Variants in TSNARE1 observed in about 807,000 individuals in gnomAD.
TSNARE1 encodes the protein t-SNARE domain containing 1.
Under a neutral mutation model 62.0 loss-of-function variants are expected in TSNARE1, and 49 were observed. The ratio of observed to expected loss-of-function variants is 0.79; its 90% confidence interval spans 0.63 to 1.00. The LOEUF is 1.00. Among genes scored for constraint, TSNARE1 ranks in the 50% least tolerant of loss-of-function variants. The pLI, the probability that TSNARE1 is intolerant of heterozygous loss-of-function variation, is 0.00. For synonymous variants in TSNARE1, 328 were observed against 294.4 expected (o/e 1.11, Z -1.17); for missense variants, 755 against 700.1 (o/e 1.08, Z -0.88).
intron 4 of TSNARE1, among the ~76,000 whole-genome samples, chr8:142,342,748 AACTGTCCCAGCACCTGT>A (rs1832752327): frequency 6.7e-6 from 1 of 148,912 alleles, no homozygotes; most frequent in South Asian, 2.1e-4. Flanking sequence ...CTGTCCAGGC[AACTGTCCCAGCACCTGT>A]CTGGGCCCAC....
At chr8:142,359,137 C>G (rs35860688) in intron 1 of TSNARE1, among the ~76,000 whole-genome samples, 42,430 of 152,006 alleles carry the variant, frequency 0.28, 7,728 homozygotes, top group African/African-American at 0.51. Context: ...TCCTCCACCC[C>G]GCAACCAGCT....
intron 11 of TSNARE1, among the ~76,000 whole-genome samples, chr8:142,282,611 A>G (rs75711119): frequency 0.037 from 2,786 of 74,444 alleles, no homozygotes; most frequent in African/African-American, 0.082. Flanking sequence ...AGCAGAGGGG[A>G]GGCCACTGTC....
chr8:142,369,431 A>G (rs964771364), intron 1 of TSNARE1, among the ~76,000 whole-genome samples: 2 of 152,212 alleles, frequency 1.3e-5, no homozygotes, highest in Non-Finnish European at 2.9e-5. Flanking sequence ...AGTCAAAATC[A>G]ATCAAATCAA....
At chr8:142,330,846 GC>G in intron 6 of TSNARE1, 54 bp downstream of exon 6, 6 of 1,578,136 alleles carry the variant, frequency 3.8e-6, no homozygotes, top group Non-Finnish European at 4.4e-6. Flanking sequence ...TCCCGCCCCT[GC>G]CCCCCAATGT....
At chr8:142,301,216 C>T (rs564507427) in intron 9 of TSNARE1, among the ~76,000 whole-genome samples, 1 of 125,224 alleles carries the variant, frequency 8.0e-6, no homozygotes, top group Admixed American at 8.0e-5. Context: ...GGAGCCCGGC[C>T]ACAGTGCCCC....
intron 4 of TSNARE1, among the ~76,000 whole-genome samples, chr8:142,333,070 G>A (rs1013669698): frequency 1.2e-4 from 18 of 152,210 alleles, no homozygotes; most frequent in African/African-American, 2.2e-4. Context: ...GGCAATCCCC[G>A]GGGCCTCTGG....
chr8:142,240,062 C>G (rs1031042160), intron 12 of TSNARE1, among the ~76,000 whole-genome samples: 1 of 152,108 alleles, frequency 6.6e-6, no homozygotes, highest in African/African-American at 2.4e-5. Flanking sequence ...GGGATTGACA[C>G]ATGGGATTTT....
In TSNARE1 at chr8:142,368,121, T is replaced by C. The variant is rs1044770606; in HGVS notation, c.-39-13358A>G. Reference sequence around the variant, plus strand: ...AAGCAAGTGAACAAACAAAAAAAACTTCTGCATGGTTAAAAAAAAAAAGTA... The same window carrying C: ...AAGCAAGTGAACAAACAAAAAAAACCTCTGCATGGTTAAAAAAAAAAAGTA... On this transcript the variant is annotated intron_variant, in intron 1 of 13. Coordinates refer to ENST00000524325, the MANE Select transcript of TSNARE1 (RefSeq NM_145003.5). Among the ~76,000 whole-genome samples the C allele has an allele frequency of 4.6e-5, 7 of 150,894 alleles. No homozygotes were observed. In the East Asian group the frequency reaches 1.4e-3, roughly 29 times the overall value.
intron 12 of TSNARE1, chr8:142,271,577 G>A (rs774955351): frequency 2.8e-6 from 4 of 1,414,642 alleles, no homozygotes; most frequent in Non-Finnish European, 3.7e-6. Flanking sequence ...GGGTGAGGAG[G>A]TGGGTGCGTG....
intron 4 of TSNARE1, among the ~76,000 whole-genome samples, chr8:142,336,393 A>G (rs905958927): frequency 6.6e-6 from 1 of 152,070 alleles, no homozygotes; most frequent in African/African-American, 2.4e-5. Context: ...AGAAAAATAT[A>G]TCATGTAAAC....
At chr8:142,377,005 T>A (rs1046264914) in intron 1 of TSNARE1, among the ~76,000 whole-genome samples, 9 of 152,142 alleles carry the variant, frequency 5.9e-5, no homozygotes, top group Non-Finnish European at 1.3e-4. Context: ...GCCCCACACC[T>A]CAGGCCTGCC....
intron 1 of TSNARE1, among the ~76,000 whole-genome samples, chr8:142,381,067 AG>A (rs1160308833): frequency 6.6e-6 from 1 of 152,238 alleles, no homozygotes; most frequent in African/African-American, 2.4e-5. Context: ...ACAGCTTCCC[AG>A]GCCTCAGCAG....
intron 12 of TSNARE1, among the ~76,000 whole-genome samples, chr8:142,256,968 G>A (rs1270508258): frequency 6.6e-6 from 1 of 152,162 alleles, no homozygotes; most frequent in Non-Finnish European, 1.5e-5. Context: ...GGGAAAACAG[G>A]CTCATTTGCA....
chr8:142,279,741 C>G (rs549465741), intron 11 of TSNARE1: 1 of 384,982 alleles, frequency 2.6e-6, no homozygotes, highest in East Asian at 1.6e-4. Context: ...GCCTCTGGGT[C>G]TCCCTCGGAG....
At chr8:142,277,304 C>T in intron 11 of TSNARE1, 30 of 985,400 alleles carry the variant, frequency 3.0e-5, no homozygotes, top group Non-Finnish European at 3.6e-5. Flanking sequence ...TTTGGGACCG[C>T]CCTCCCCAGA....
chr8:142,273,136 G>A lies in TSNARE1; in HGVS notation c.1446+1645C>T, dbSNP rs567006655. 53 of 985,386 alleles carry A rather than the reference G, an allele frequency of 5.4e-5. No individual in the cohort carries two copies. In the East Asian group the frequency reaches 2.0e-3, roughly 38 times the overall value. 61.0% of individuals were successfully genotyped at this position (985,386 alleles called of 1,614,324 possible). On this transcript the variant is annotated intron_variant, in intron 12 of 13. Coordinates refer to ENST00000524325, the MANE Select transcript of TSNARE1 (RefSeq NM_145003.5). ...AGGCTCACTGGGAATGCGGCACGGC[G>A]TCCATGGCACAGGTGGCTGGCCCAG... is the stretch of plus-strand genomic sequence containing the variant.
At chr8:142,255,569 TCAC>T (rs1335088912) in intron 12 of TSNARE1, among the ~76,000 whole-genome samples, 8 of 6,948 alleles carry the variant, frequency 1.2e-3, no homozygotes, top group South Asian at 0.015. Context: ...ATCACCACCA[TCAC>T]CATCACCACC....
chr8:142,368,324 G>A (rs1179290106), intron 1 of TSNARE1, among the ~76,000 whole-genome samples: 1 of 152,190 alleles, frequency 6.6e-6, no homozygotes, highest in Non-Finnish European at 1.5e-5. Context: ...TAAAACTGGT[G>A]CTTAAACATG....
At chr8:142,303,542 CA>C (rs1826135231) in intron 9 of TSNARE1, among the ~76,000 whole-genome samples, 1 of 152,242 alleles carries the variant, frequency 6.6e-6, no homozygotes, top group South Asian at 2.1e-4. Context: ...TTTCCAGGAA[CA>C]CCCATGGGGG....
Sources: gnomAD v4.1 joint callset for allele counts (sites outside exome capture counted in the v4.1 genomes callset) on GRCh38, gnomAD v4.1.1 for gene constraint, MANE v1.5 for transcripts, NCBI Gene and HGNC (gene_info 2026-07-23, HGNC 2026-07-21) for gene names.